Variants in TSG101 observed in about 807,000 individuals in gnomAD.
TSG101 encodes the protein tumor susceptibility 101, also known as tumor susceptibility gene 101 protein.
In TSG101, 19 loss-of-function variants were observed where a neutral mutation model predicts 48.5. The ratio of observed to expected loss-of-function variants is 0.39; its 90% CI spans 0.27 to 0.58. The LOEUF (loss-of-function observed/expected upper bound fraction) is 0.58. TSG101 is among the 20% of genes least tolerant of loss of function. The pLI, the probability that TSG101 is intolerant of heterozygous loss-of-function variation, is 0.55. For synonymous variants in TSG101, 174 were observed against 169.4 expected, an observed-to-expected ratio of 1.03 and a Z score of -0.21; for missense variants, 365 against 484.4, an observed-to-expected ratio of 0.75 and a Z score of 2.31.
In TSG101 at chr11:18,526,836, C is replaced by A; in HGVS notation, c.-20G>T. The A allele has an allele frequency of 6.3e-7, 1 of 1,599,212 alleles. No homozygotes were observed. Among genetic ancestry groups the A allele is most frequent in the Non-Finnish European group, 8.5e-7 (1 of 1,178,356 alleles). ...CGCCATGACGGCCGCCTGGCGACTC[C>A]CTTCCCCGCAGGCAGAGGGTCAGCC... On this transcript the variant is annotated 5_prime_UTR_variant, in exon 1 of 10. Coordinates refer to ENST00000251968, the MANE Select transcript of TSG101 (RefSeq NM_006292.4).
chr11:18,480,741 G>A, intron 9 of TSG101, 106 bp from the exon 10 acceptor site: 1 of 986,166 alleles, frequency 1.0e-6, no homozygotes, highest in South Asian at 1.5e-5. Flanking sequence ...CCTAACTCAT[G>A]ACCTGCCAAC....
At chr11:18,511,127 A>C (rs1305055258) in intron 4 of TSG101, 1 of 152,192 alleles carries the variant, frequency 6.6e-6, no homozygotes, top group Non-Finnish European at 1.5e-5. Flanking sequence ...AATCACCTTG[A>C]TAGGCTAACC....
At chr11:18,526,450 TA>T (rs1850375297) in intron 1 of TSG101, among the ~76,000 whole-genome samples, 1 of 152,180 alleles carries the variant, frequency 6.6e-6, no homozygotes, top group Non-Finnish European at 1.5e-5. Context: ...TTTGTGTTTA[TA>T]AAAACAAACG....
At chr11:18,519,469 G>C in intron 2 of TSG101, 50 bp downstream of exon 2, 1 of 1,406,254 alleles carries the variant, frequency 7.1e-7, no homozygotes, top group Non-Finnish European at 9.9e-7. Flanking sequence ...CATTAACAAA[G>C]AGAGTAAACT....
chr11:18,521,796 C>T (rs760127148), intron 1 of TSG101, among the ~76,000 whole-genome samples: 2 of 150,854 alleles, frequency 1.3e-5, no homozygotes, highest in Non-Finnish European at 2.9e-5. Flanking sequence ...CCCATCTCAG[C>T]CTTCCAAGTA....
At chr11:18,495,744 T>G (rs907361936) in intron 7 of TSG101, among the ~76,000 whole-genome samples, 2 of 151,834 alleles carry the variant, frequency 1.3e-5, no homozygotes, top group African/African-American at 2.4e-5. Flanking sequence ...ATTCCCCTAG[T>G]TAGTTTTCAA....
At chr11:18,494,344 T>A (rs1400249765) in intron 7 of TSG101, among the ~76,000 whole-genome samples, 1 of 152,216 alleles carries the variant, frequency 6.6e-6, no homozygotes, top group African/African-American at 2.4e-5. Context: ...TCCATTAAAA[T>A]TAACGTTTTG....
intron 2 of TSG101, among the ~76,000 whole-genome samples, chr11:18,516,408 G>C (rs572865100): frequency 6.6e-6 from 1 of 151,468 alleles, no homozygotes; most frequent in Non-Finnish European, 1.5e-5. Flanking sequence ...GCAATGGCGC[G>C]ATTTTGGCTC....
chr11:18,504,739 G>T (rs1849941914), intron 6 of TSG101, among the ~76,000 whole-genome samples: 1 of 152,074 alleles, frequency 6.6e-6, no homozygotes, highest in Non-Finnish European at 1.5e-5. Context: ...TAGCTTTATT[G>T]TTCAGAAGTC....
rs543815401 is a variant in TSG101 at position 18,526,939 on chromosome 11, C to T, written c.-123G>A. On this transcript the variant is annotated 5_prime_UTR_variant, in exon 1 of 10. It adds an upstream start codon to the 5' untranslated region. Coordinates refer to ENST00000251968, the MANE Select transcript of TSG101 (RefSeq NM_006292.4). Reference sequence around the variant, plus strand: ...CTCAAACAACAGGAAGTCGGCACCACTACACCACTTCCGCTTCCACTACGT... The same window carrying T: ...CTCAAACAACAGGAAGTCGGCACCATTACACCACTTCCGCTTCCACTACGT... 2 of 1,039,578 alleles carry T rather than the reference C, an allele frequency of 1.9e-6. No individual in the cohort carries two copies. Among genetic ancestry groups the T allele is most frequent in the East Asian group, 5.4e-5 (2 of 37,136 alleles). 64.4% of individuals were successfully genotyped at this position (1,039,578 alleles called of 1,614,324 possible).
intron 4 of TSG101, among the ~76,000 whole-genome samples, chr11:18,512,760 C>A (rs1186376754): frequency 7.2e-6 from 1 of 139,196 alleles, no homozygotes; most frequent in African/African-American, 2.6e-5. Flanking sequence ...GTCTCTCTCA[C>A]TCTGCCACCC....
rs184869475 is a variant in TSG101 at position 18,513,795 on chromosome 11, C to T, written c.357+883G>A. On this transcript the variant is annotated intron_variant, in intron 4 of 9. Transcript: ENST00000251968. The stretch of plus-strand genomic sequence containing the variant: ...CCTTCATCAAGAATAAGTAAGTAGG[C>T]TGGGCATGGTGGCTTATGCCTGTAA... Among the ~76,000 whole-genome samples, 1,112 of 152,256 alleles carry T rather than the reference C, an allele frequency of 7.3e-3. 8 individuals carry two copies. The highest frequency in any genetic ancestry group is 0.025 in the African/African-American group (1,052 of 41,560).
chr11:18,511,108 G>A (rs1305189661), intron 4 of TSG101: 1 of 152,106 alleles, frequency 6.6e-6, no homozygotes, highest in Non-Finnish European at 1.5e-5. Flanking sequence ...GAGTTCTGAA[G>A]AATTACTCAA....
At chr11:18,526,072 G>T (rs1406130859) in intron 1 of TSG101, among the ~76,000 whole-genome samples, 1 of 151,474 alleles carries the variant, frequency 6.6e-6, no homozygotes, top group African/African-American at 2.4e-5. Flanking sequence ...TGCCACGTTT[G>T]AAGTAATTAT....
intron 9 of TSG101, 106 bp from the exon 10 acceptor site, chr11:18,480,741 G>C: frequency 1.0e-6 from 1 of 986,166 alleles, no homozygotes; most frequent in Non-Finnish European, 1.5e-6. Context: ...CCTAACTCAT[G>C]ACCTGCCAAC....
intron 7 of TSG101, 143 bp downstream of exon 7, chr11:18,502,343 C>G (rs1849901741): frequency 2.0e-6 from 1 of 507,554 alleles, no homozygotes; most frequent in Non-Finnish European, 3.4e-6. Context: ...TCATTTACTT[C>G]AAGTTTAAGA....
intron 7 of TSG101, among the ~76,000 whole-genome samples, chr11:18,486,897 A>G (rs1370347527): frequency 3.9e-5 from 6 of 151,974 alleles, no homozygotes; most frequent in Non-Finnish European, 8.8e-5. Context: ...GACTGGATTA[A>G]GAAAATGTGG....
rs1397640796 is a variant in TSG101 at position 18,512,949 on chromosome 11, A to AGTG, written c.357+1728_357+1729insCAC. ...CACCATGTTGGCCAGGCTCGTCTCA[A>AGTG]ACTTCTGGCCTCAAGTGATCCTCCC... On this transcript the variant is annotated intron_variant, in intron 4 of 9. Coordinates refer to ENST00000251968, the MANE Select transcript of TSG101 (RefSeq NM_006292.4). 1.4e-3 allele frequency among the ~76,000 whole-genome samples: 212 copies of AGTG among 152,046 alleles called. 1 individual carries two copies. The highest frequency in any genetic ancestry group is 4.7e-3 in the African/African-American group (194 of 41,466).
intron 7 of TSG101, among the ~76,000 whole-genome samples, chr11:18,495,710 T>C (rs1279462190): frequency 6.6e-6 from 1 of 151,728 alleles, no homozygotes; most frequent in Non-Finnish European, 1.5e-5. Context: ...TGTTCCTTCA[T>C]TATTCACCGA....
Sources: gnomAD v4.1 joint callset for allele counts (sites outside exome capture counted in the v4.1 genomes callset) on GRCh38, gnomAD v4.1.1 for gene constraint, MANE v1.5 for transcripts, NCBI Gene and HGNC (gene_info 2026-07-23, HGNC 2026-07-21) for gene names.